The following SLC6A17 variants were observed in gnomAD, a reference collection of about 807,000 sequenced individuals.
SLC6A17 encodes solute carrier family 6 member 17.
Under a neutral mutation model 64.5 loss-of-function variants are expected in SLC6A17, and 21 were observed. That is an observed-to-expected ratio of 0.33 (90% CI 0.23 to 0.47). The LOEUF (loss-of-function observed/expected upper bound fraction) is 0.47. Ranked by LOEUF, SLC6A17 falls within the 20% of genes least tolerant of loss-of-function variation. The pLI, the probability that SLC6A17 is intolerant of heterozygous loss-of-function variation, is 1.00. For synonymous variants in SLC6A17, 372 were observed against 399.5 expected (o/e 0.93, Z 0.82); for missense variants, 682 against 963.2 (o/e 0.71, Z 3.86).
rs138637286 is a variant in SLC6A17, at chr1:110,184,348, G to A, written c.864+7609G>A. Among the ~76,000 whole-genome samples the A allele has an allele frequency of 2.0e-3, 301 of 152,214 alleles. 1 individual carries two copies. The highest frequency in any genetic ancestry group is 7.1e-3 in the African/African-American group (293 of 41,534). ...TCTCGATCTCCTGACCTTGTGATCC[G>A]CCCACCTCGGCCTCCCAAAGTGCTG... On this transcript the variant is annotated intron_variant, in intron 6 of 11. Transcript: ENST00000331565.
At chr1:110,168,335 G>C (rs1035810433) in intron 2 of SLC6A17, 1 of 152,138 alleles carries the variant, frequency 6.6e-6, no homozygotes. Context: ...TCCTCTCCAG[G>C]ATGCATCTTT....
At chr1:110,176,826 G>T in intron 6 of SLC6A17, 87 bp downstream of exon 6, 1 of 1,184,696 alleles carries the variant, frequency 8.4e-7, no homozygotes, top group Non-Finnish European at 1.2e-6. Flanking sequence ...GGAATTTAAT[G>T]CACTCCGAAC....
At chr1:110,155,884 C>T (rs1457375861) in intron 1 of SLC6A17, among the ~76,000 whole-genome samples, 1 of 152,222 alleles carries the variant, frequency 6.6e-6, no homozygotes, top group Non-Finnish European at 1.5e-5. Flanking sequence ...TTAAATCCCA[C>T]ACCAGCTCTA....
At chr1:110,191,643 A>T (rs1656826356) in intron 6 of SLC6A17, among the ~76,000 whole-genome samples, 1 of 152,164 alleles carries the variant, frequency 6.6e-6, no homozygotes, top group Non-Finnish European at 1.5e-5. Context: ...GTACTACATG[A>T]CCATATGTGA....
chr1:110,162,815 C>T (rs953357141), intron 1 of SLC6A17, among the ~76,000 whole-genome samples: 3 of 151,980 alleles, frequency 2.0e-5, no homozygotes, highest in Non-Finnish European at 4.4e-5. Context: ...TTCTTGGGTG[C>T]CGGCATGGTT....
rs7527375 is a variant in SLC6A17, at chr1:110,167,097, T to C, written c.168T>C (p.Asp56=). 818,567 of 1,609,682 alleles carry C rather than the reference T, an allele frequency of 0.51. 213,991 individuals carry two copies. Among genetic ancestry groups the C allele is most frequent in the Non-Finnish European group, 0.54 (633,061 of 1,178,368 alleles). Reference sequence around the variant, plus strand: ...AGAAGGCGGTGGAGGAGGAGCTGGATGCAGAGGACCGGCCGGCCTGGAACA... The same window carrying C: ...AGAAGGCGGTGGAGGAGGAGCTGGACGCAGAGGACCGGCCGGCCTGGAACA... The part of the protein sequence containing the change: ...GKQKAVEEEL[D]AEDRPAWNSK... Residue 56 remains aspartate, a synonymous_variant, in exon 2 of 12, where the codon GAT becomes GAC. Transcript: ENST00000331565.
At chr1:110,162,691 C>T (rs1655946528) in intron 1 of SLC6A17, among the ~76,000 whole-genome samples, 1 of 152,182 alleles carries the variant, frequency 6.6e-6, no homozygotes, top group Non-Finnish European at 1.5e-5. Flanking sequence ...CACCTTTCAC[C>T]AGCACATGGC....
intron 6 of SLC6A17, among the ~76,000 whole-genome samples, chr1:110,190,653 C>T (rs539599228): frequency 1.1e-4 from 16 of 152,286 alleles, no homozygotes; most frequent in East Asian, 5.8e-4. Context: ...AAGGGGCAGC[C>T]GGGCCAGGAC....
intron 6 of SLC6A17, among the ~76,000 whole-genome samples, chr1:110,186,607 T>A (rs1656690695): frequency 6.6e-6 from 1 of 152,238 alleles, no homozygotes; most frequent in Non-Finnish European, 1.5e-5. Context: ...TTGTAGCCCC[T>A]TGTCTGGTCC....
At chr1:110,194,862 C>T (rs768767065) in intron 9 of SLC6A17, 91 bp downstream of exon 9, 38 of 1,503,842 alleles carry the variant, frequency 2.5e-5, no homozygotes, top group Middle Eastern at 1.7e-4. Flanking sequence ...CCTTCATGAC[C>T]CCACACCCAG....
At chr1:110,161,435 C>A (rs1452511795) in intron 1 of SLC6A17, among the ~76,000 whole-genome samples, 1 of 151,986 alleles carries the variant, frequency 6.6e-6, no homozygotes, top group African/African-American at 2.4e-5. Context: ...TGTTGGAACA[C>A]CCTGAAGAGG....
Position 110,200,462 on chromosome 1 carries a change from C to CT in SLC6A17, c.*2019dup, listed in dbSNP as rs1657095315. On this transcript the variant is annotated 3_prime_UTR_variant, in exon 12 of 12. Transcript: ENST00000331565. Reference sequence around the variant, plus strand: ...AAAGCAGAGCCCCAGGAGAGACACTCTACTATATATACTCTTCTATATATT... The same window carrying CT: ...AAAGCAGAGCCCCAGGAGAGACACTCTTACTATATATACTCTTCTATATATT... 3 of 217,168 alleles carry CT rather than the reference C, an allele frequency of 1.4e-5. No individual in the cohort carries two copies. Among genetic ancestry groups the CT allele is most frequent in the Admixed American group, 5.8e-5 (1 of 17,170 alleles). The allele number at this position is 217,168 out of a possible 1,614,324, so 13.5% of individuals were successfully genotyped here. A position where few individuals can be genotyped will look rare whatever the true frequency, so the allele number is the denominator to read the frequency against.
chr1:110,186,198 T>TCTGC (rs1227467075), intron 6 of SLC6A17, among the ~76,000 whole-genome samples: 1 of 152,182 alleles, frequency 6.6e-6, no homozygotes, highest in Non-Finnish European at 1.5e-5. Flanking sequence ...ATCTCCAAGC[T>TCTGC]ATATAGGGCC....
Position 110,195,630 on chromosome 1 carries a change from C to G in SLC6A17, c.1537C>G (p.Gln513Glu). ...FAFLVGLLFVQRSGNYFVTMF... is the reference protein window; with the variant it reads ...FAFLVGLLFVERSGNYFVTMF... ...ATTCCTCGTGGGGCTGTTGTTCGTC[C>G]AGCGCTCCGGAAACTACTTTGTCAC... Residue 513 changes from glutamine to glutamate, a missense_variant, in exon 10 of 12, where the codon CAG (glutamine) becomes GAG (glutamate). Transcript: ENST00000331565. 1.2e-6 allele frequency: 2 copies of G among 1,614,234 alleles called. No individual in the cohort carries two copies. Among genetic ancestry groups the G allele is most frequent in the Non-Finnish European group, 1.7e-6 (2 of 1,180,050 alleles).
chr1:110,168,903 A>G (rs922659394), intron 2 of SLC6A17, among the ~76,000 whole-genome samples: 9 of 152,220 alleles, frequency 5.9e-5, no homozygotes, highest in African/African-American at 2.2e-4. Flanking sequence ...CTAGAGGAAA[A>G]GCATTGTCAA....
chr1:110,159,375 C>A (rs1655840373), intron 1 of SLC6A17, among the ~76,000 whole-genome samples: 1 of 152,212 alleles, frequency 6.6e-6, no homozygotes, highest in Non-Finnish European at 1.5e-5. Context: ...GCACTGGCCA[C>A]ACCCACATTT....
chr1:110,185,843 C>T (rs888035179), intron 6 of SLC6A17, among the ~76,000 whole-genome samples: 15 of 152,116 alleles, frequency 9.9e-5, no homozygotes, highest in South Asian at 4.1e-4. Flanking sequence ...CTCAATTTAC[C>T]CCCAGATTAG....
At chr1:110,177,555 T>A (rs1656406951) in intron 6 of SLC6A17, 1 of 152,274 alleles carries the variant, frequency 6.6e-6, no homozygotes, top group Non-Finnish European at 1.5e-5. Flanking sequence ...TGGCACTCCC[T>A]CTAAGTTGCC....
rs200451861 is a variant in SLC6A17, at chr1:110,174,131, C to G, written c.571+32C>G. The G allele has an allele frequency of 5.6e-5, 90 of 1,609,864 alleles. No homozygotes were observed. The East Asian group carries it at 1.9e-3, about 34-fold the overall frequency. ...ATGGGGCCCAGCTGGGGATGCCAGC[C>G]AGCCCTGTCCCAGGAAGGGGTCTCA... On this transcript the variant is annotated intron_variant, in intron 4 of 11. Transcript: ENST00000331565.
Sources: allele counts gnomAD v4.1 joint callset (sites outside exome capture counted in the v4.1 genomes callset), GRCh38; gene constraint gnomAD v4.1.1; transcripts MANE v1.5; gene names NCBI Gene and HGNC (gene_info 2026-07-23, HGNC 2026-07-21).